ZFP64: variants seen among roughly 807,000 people sequenced by gnomAD.
The protein encoded by ZFP64 is zinc finger protein 64.
ZFP64 carries 14 observed loss-of-function variants against 51.6 expected under a neutral mutation model. The ratio of observed to expected loss-of-function variants is 0.27; its 90% CI spans 0.18 to 0.42. The LOEUF (loss-of-function observed/expected upper bound fraction) is 0.42. Among genes scored for constraint, ZFP64 ranks in the 10% least tolerant of loss-of-function variants. The pLI is 1.00. For synonymous variants in ZFP64, 375 were observed against 361.4 expected (o/e 1.04, Z -0.43); for missense variants, 754 against 906.8 (o/e 0.83, Z 2.16).
At chr20:52,144,863 G>C (rs1276198847) in intron 5 of ZFP64, among the ~76,000 whole-genome samples, 3 of 152,006 alleles carry the variant, frequency 2.0e-5, no homozygotes, top group Non-Finnish European at 4.4e-5. Context: ...TGAAAATTTA[G>C]AGCAGAGTAA....
chr20:52,136,637 A>G (rs1979996681), intron 5 of ZFP64, among the ~76,000 whole-genome samples: 2 of 152,328 alleles, frequency 1.3e-5, no homozygotes, highest in Admixed American at 1.3e-4. Context: ...AATCATAAAG[A>G]ATATATAAGC....
intron 7 of ZFP64, chr20:52,088,707 C>T: frequency 1.2e-6 from 2 of 1,607,082 alleles, no homozygotes; most frequent in Non-Finnish European, 8.5e-7. Flanking sequence ...AAGATTTGAC[C>T]AAGATGATAG....
chr20:52,145,569 G>A (rs1980483523), intron 5 of ZFP64, among the ~76,000 whole-genome samples: 1 of 152,166 alleles, frequency 6.6e-6, no homozygotes, highest in African/African-American at 2.4e-5. Flanking sequence ...GCCTGGGGAG[G>A]TAGAGGCTGC....
chr20:52,170,352 T>C (rs891600635), intron 2 of ZFP64, among the ~76,000 whole-genome samples: 1 of 152,050 alleles, frequency 6.6e-6, no homozygotes, highest in Non-Finnish European at 1.5e-5. Flanking sequence ...CTCAGGAGGC[T>C]GAGGCAGGAG....
chr20:52,139,825 T>C (rs1980164654), intron 5 of ZFP64, among the ~76,000 whole-genome samples: 1 of 151,404 alleles, frequency 6.6e-6, no homozygotes, highest in Non-Finnish European at 1.5e-5. Context: ...CTTAGTTTTA[T>C]TGTGCTTTGC....
intron 5 of ZFP64, chr20:52,105,137 TC>T (rs1420404211): frequency 2.8e-6 from 4 of 1,425,856 alleles, no homozygotes; most frequent in Admixed American, 3.1e-5. Flanking sequence ...CTCACCCGGC[TC>T]CCCCGCCACC....
chr20:52,131,098 AT>A (rs1166237864), intron 5 of ZFP64, among the ~76,000 whole-genome samples: 2 of 151,284 alleles, frequency 1.3e-5, no homozygotes, highest in East Asian at 3.9e-4. Context: ...TAAAATACAG[AT>A]TCTCATCTTC....
At chr20:52,113,600 T>TTTA (rs1271189707) in intron 5 of ZFP64, among the ~76,000 whole-genome samples, 1 of 149,372 alleles carries the variant, frequency 6.7e-6, no homozygotes, top group Non-Finnish European at 1.5e-5. Flanking sequence ...GGCTTTTTTT[T>TTTA]TTTTTTTCTT....
Position 52,170,216 on chromosome 20 carries a change from C to A in ZFP64, c.287-4191G>T, listed in dbSNP as rs146249706. ...CCTGTAATCCCAGCACTTTGGGAGC[C>A]TGAGGTGGGCGGATCATTTGAGGTC... is the stretch of plus-strand genomic sequence containing the variant. On this transcript the variant is annotated intron_variant, in intron 2 of 5. Coordinates refer to ENST00000216923, the MANE Select transcript of ZFP64 (RefSeq NM_018197.3). 4.7e-3 allele frequency among the ~76,000 whole-genome samples: 716 copies of A among 152,202 alleles called. 4 individuals are homozygous for A. The highest frequency in any genetic ancestry group is 0.017 in the African/African-American group (690 of 41,532).
At chr20:52,099,319 CTTTTTTTTTTTTTT>C in intron 5 of ZFP64, among the ~76,000 whole-genome samples, 1 of 150,032 alleles carries the variant, frequency 6.7e-6, no homozygotes, top group African/African-American at 2.4e-5. Context: ...CAATGTCAAA[CTTTTTTTTTTTTTT>C]TTAAGATGCT....
At chr20:52,096,828 G>A (rs754322496) in intron 7 of ZFP64, 7 of 258,578 alleles carry the variant, frequency 2.7e-5, no homozygotes, top group Admixed American at 8.4e-5. Flanking sequence ...GGCAGGGGTC[G>A]CAATGAACTG....
intron 2 of ZFP64, among the ~76,000 whole-genome samples, chr20:52,175,530 A>G (rs920856676): frequency 6.6e-5 from 10 of 152,250 alleles, no homozygotes; most frequent in African/African-American, 2.4e-4. Context: ...CCAGGCAAGT[A>G]TCCCAACTGT....
Position 52,142,839 on chromosome 20 carries a change from C to CA in ZFP64, c.763+17283dup, listed in dbSNP as rs386393987. On this transcript the variant is annotated intron_variant, in intron 5 of 8. Transcript: ENST00000361387. ...TGGGCGACAGAGTGAGACTCCATCT[C>CA]AAAAAAAAAAAAAAAAAAAGCAAAA... is the stretch of plus-strand genomic sequence containing the variant. 2.5e-3 allele frequency among the ~76,000 whole-genome samples: 137 copies of CA among 54,942 alleles called. 14 individuals carry two copies. Among genetic ancestry groups the CA allele is most frequent in the East Asian group, 9.5e-3 (9 of 946 alleles). The allele number at this position is 54,942 out of a possible 152,430, so 36.0% of individuals were successfully genotyped here.
chr20:52,087,790 A>G (rs1258895949), intron 8 of ZFP64, among the ~76,000 whole-genome samples: 1 of 152,218 alleles, frequency 6.6e-6, no homozygotes, highest in African/African-American at 2.4e-5. Flanking sequence ...TTTGGCTTCC[A>G]ACTGTACAGC....
At chr20:52,097,301 G>A (rs1217304259) in intron 7 of ZFP64, 5 of 1,521,448 alleles carry the variant, frequency 3.3e-6, no homozygotes, top group East Asian at 4.5e-5. Flanking sequence ...GTTCATTACT[G>A]TGTCCCTAGC....
At chr20:52,097,096 T>C in intron 7 of ZFP64, 1 of 718,456 alleles carries the variant, frequency 1.4e-6, no homozygotes, top group Non-Finnish European at 2.6e-6. Flanking sequence ...ATTTCTCTTC[T>C]CAGCAGCTGG....
chr20:52,145,948 A>T (rs1268686325), intron 5 of ZFP64, among the ~76,000 whole-genome samples: 4 of 152,248 alleles, frequency 2.6e-5, no homozygotes, highest in Non-Finnish European at 5.9e-5. Flanking sequence ...ATTTTGACTT[A>T]TCAAAATCTT....
intron 7 of ZFP64, among the ~76,000 whole-genome samples, chr20:52,093,525 C>G (rs1451116818): frequency 6.6e-6 from 1 of 152,178 alleles, no homozygotes; most frequent in Non-Finnish European, 1.5e-5. Flanking sequence ...TTTATCTTCC[C>G]TACCTTAACT....
chr20:52,101,787 T>A (rs887735556), intron 5 of ZFP64, among the ~76,000 whole-genome samples: 1 of 151,526 alleles, frequency 6.6e-6, no homozygotes, highest in African/African-American at 2.4e-5. Context: ...CAAAGGGTGG[T>A]CCCTAGAGCA....
Sources: gnomAD v4.1 joint callset for allele counts (sites outside exome capture counted in the v4.1 genomes callset) on GRCh38, gnomAD v4.1.1 for gene constraint, MANE v1.5 for transcripts, NCBI Gene and HGNC (gene_info 2026-07-23, HGNC 2026-07-21) for gene names.